Variants in MED12L observed in about 807,000 individuals in gnomAD.
MED12L encodes the protein mediator complex subunit 12L, also known as mediator of RNA polymerase II transcription subunit 12-like protein.
Under a neutral mutation model 281.3 loss-of-function variants are expected in MED12L, and 60 were observed. The ratio of observed to expected loss-of-function variants is 0.21; its 90% CI spans 0.17 to 0.26. MED12L has a LOEUF of 0.26. MED12L is among the 10% of genes least tolerant of loss of function. The pLI, the probability that MED12L is intolerant of heterozygous loss-of-function variation, is 1.00. For synonymous variants in MED12L, 974 were observed against 987.2 expected, an observed-to-expected ratio of 0.99 and a Z score of 0.25; for missense variants, 2,146 against 2,680.9, an observed-to-expected ratio of 0.80 and a Z score of 4.41.
At chr3:151,343,901 C>G (rs535661293) in intron 16 of MED12L, among the ~76,000 whole-genome samples, 1 of 152,210 alleles carries the variant, frequency 6.6e-6, no homozygotes, top group South Asian at 2.1e-4. Context: ...AGCTCTTAGG[C>G]TGTTTTAGTT....
chr3:151,183,754 A>G (rs1490050591), intron 11 of MED12L, among the ~76,000 whole-genome samples: 1 of 152,262 alleles, frequency 6.6e-6, no homozygotes, highest in Admixed American at 6.5e-5. Flanking sequence ...GTGGGAAAAG[A>G]AGTTTTTAAA....
intron 16 of MED12L, among the ~76,000 whole-genome samples, chr3:151,285,578 C>T (rs763780200): frequency 1.3e-5 from 2 of 151,870 alleles, no homozygotes; most frequent in Non-Finnish European, 2.9e-5. Context: ...ACATTGGGTA[C>T]ATTGTACACT....
chr3:151,317,466 T>TTTTTTTG (rs1560020922), intron 16 of MED12L, among the ~76,000 whole-genome samples: 1 of 131,548 alleles, frequency 7.6e-6, no homozygotes, highest in Admixed American at 7.3e-5. Context: ...TTTTTTTTTT[T>TTTTTTTG]GTGAGACGGA....
intron 16 of MED12L, among the ~76,000 whole-genome samples, chr3:151,288,454 AG>A (rs1429395705): frequency 2.0e-5 from 3 of 152,228 alleles, no homozygotes; most frequent in African/African-American, 7.2e-5. Flanking sequence ...TTTATTTTGG[AG>A]ATCCACATCA....
chr3:151,326,665 T>C (rs1749635023), intron 16 of MED12L: 1 of 152,120 alleles, frequency 6.6e-6, no homozygotes, highest in African/African-American at 2.4e-5. Flanking sequence ...GTTCAAGAGA[T>C]GGATAAGTAG....
At chr3:151,152,545 A>G (rs1473321669) in intron 5 of MED12L, among the ~76,000 whole-genome samples, 3 of 152,228 alleles carry the variant, frequency 2.0e-5, no homozygotes, top group Middle Eastern at 3.4e-3. Flanking sequence ...GGTGCTGTCT[A>G]TTGATACTCA....
intron 16 of MED12L, chr3:151,269,418 C>G: frequency 5.0e-6 from 1 of 201,218 alleles, no homozygotes; most frequent in South Asian, 8.9e-5. Context: ...CACACACACA[C>G]ACACACACAC....
chr3:151,364,971 A>G lies in MED12L; in HGVS notation c.2958-8A>G, dbSNP rs1755095737. On this transcript the variant is annotated splice_polypyrimidine_tract_variant and splice_region_variant and intron_variant, in intron 21 of 44. Transcript: ENST00000687756. ...TTTCTGTTTTAACTTTTTTTCTTAT[A>G]ACCTCAGTAGTGCCTGTTCAAAAGT... The G allele has an allele frequency of 2.5e-6, 4 of 1,598,844 alleles. No homozygotes were observed. The East Asian group carries it at 6.7e-5, about 27-fold the overall frequency.
chr3:151,119,239 C>T lies in MED12L; in HGVS notation c.204+2797C>T, dbSNP rs186532804. Among the ~76,000 whole-genome samples the T allele has an allele frequency of 3.3e-5, 5 of 152,228 alleles. No individual in the cohort carries two copies. The East Asian group carries it at 9.7e-4, about 29-fold the overall frequency. On this transcript the variant is annotated intron_variant, in intron 3 of 44. Transcript: ENST00000687756. The stretch of plus-strand genomic sequence containing the variant: ...TAGCTTTTGTTCTTTAGGATAAATT[C>T]CCTGAATTGTATTACTACTTGGTTA...
At chr3:151,250,568 C>A (rs1035897778) in intron 16 of MED12L, among the ~76,000 whole-genome samples, 2 of 152,168 alleles carry the variant, frequency 1.3e-5, no homozygotes, top group African/African-American at 4.8e-5. Flanking sequence ...AGCATAATGT[C>A]TTTAAGGTTC....
intron 44 of MED12L, among the ~76,000 whole-genome samples, chr3:151,431,460 T>C (rs145872646): frequency 6.6e-6 from 1 of 152,268 alleles, no homozygotes; most frequent in African/African-American, 2.4e-5. Flanking sequence ...ATACCCAAAA[T>C]TTTTTTTCTT....
At chr3:151,201,126 GAAAT>G (rs1355774509) in intron 16 of MED12L, 1 of 152,118 alleles carries the variant, frequency 6.6e-6, no homozygotes, top group African/African-American at 2.4e-5. Context: ...TAATAAAGCT[GAAAT>G]AAACTATTTT....
At chr3:151,259,843 A>G (rs989399427) in intron 16 of MED12L, among the ~76,000 whole-genome samples, 10 of 152,112 alleles carry the variant, frequency 6.6e-5, no homozygotes, top group African/African-American at 1.7e-4. Flanking sequence ...TGTTTATTCT[A>G]TTTTAAAGCT....
chr3:151,349,865 T>TC (rs1371304007), intron 16 of MED12L, among the ~76,000 whole-genome samples, 194 bp from the exon 17 acceptor site: 1 of 151,856 alleles, frequency 6.6e-6, no homozygotes, highest in Non-Finnish European at 1.5e-5. Context: ...TTTTTTTTTT[T>TC]TTTATAATGT....
At chr3:151,303,779 CA>C (rs149498902) in intron 16 of MED12L, among the ~76,000 whole-genome samples, 1 of 151,876 alleles carries the variant, frequency 6.6e-6, no homozygotes. Context: ...AACAAACAAA[CA>C]AAAAACCCAA....
intron 38 of MED12L, among the ~76,000 whole-genome samples, chr3:151,394,331 A>G (rs749987787): frequency 6.6e-6 from 1 of 152,202 alleles, no homozygotes; most frequent in Non-Finnish European, 1.5e-5. Context: ...TACAAGTAAT[A>G]TGTTCCTGAG....
chr3:151,219,248 C>T (rs758182384), intron 16 of MED12L, among the ~76,000 whole-genome samples: 1 of 152,104 alleles, frequency 6.6e-6, no homozygotes, highest in African/African-American at 2.4e-5. Flanking sequence ...TACAGATAAC[C>T]TCAGGGTTCT....
chr3:151,433,022 T>C lies in MED12L; in HGVS notation c.*218T>C. 1 of 502,660 alleles carries C rather than the reference T, an allele frequency of 2.0e-6. No individual in the cohort carries two copies. Among genetic ancestry groups the C allele is most frequent in the African/African-American group, 1.9e-5 (1 of 51,658 alleles). 31.1% of individuals were successfully genotyped at this position (502,660 alleles called of 1,614,324 possible). On this transcript the variant is annotated 3_prime_UTR_variant, in exon 45 of 45. Transcript: ENST00000687756. ...TGTTGAATTCACCTTTAAAGTAGGT[T>C]TACAAATGTGAATCATGCAGGCAGG...
At chr3:151,157,354 C>T (rs1719421168) in intron 6 of MED12L, among the ~76,000 whole-genome samples, 1 of 151,882 alleles carries the variant, frequency 6.6e-6, no homozygotes, top group Admixed American at 6.6e-5. Context: ...ATGTGAAACA[C>T]ACCCTAATTC....
Sources: gnomAD v4.1 joint callset for allele counts (sites outside exome capture counted in the v4.1 genomes callset) on GRCh38, gnomAD v4.1.1 for gene constraint, MANE v1.5 for transcripts, NCBI Gene and HGNC (gene_info 2026-07-23, HGNC 2026-07-21) for gene names.